The following NQO2 variants were observed in gnomAD, a reference collection of about 807,000 sequenced individuals.
NQO2 encodes the protein N-ribosyldihydronicotinamide:quinone dehydrogenase 2.
In NQO2, 18 loss-of-function variants were observed where a neutral mutation model predicts 22.0. That is an observed-to-expected ratio of 0.82 (90% CI 0.56 to 1.21). The LOEUF (loss-of-function observed/expected upper bound fraction) is 1.21, where lower values mean the gene tolerates loss of function less well. Ranked by LOEUF, NQO2 falls within the 50% of genes most tolerant of loss-of-function variation. The pLI is 0.00. For missense variants in NQO2, 267 were observed against 286.9 expected, an observed-to-expected ratio of 0.93 and a Z score of 0.50; for synonymous variants, 106 against 110.8, an observed-to-expected ratio of 0.96 and a Z score of 0.28.
intron 2 of NQO2, among the ~76,000 whole-genome samples, chr6:3,008,612 G>T (rs563945516): frequency 2.6e-5 from 4 of 152,140 alleles, no homozygotes; most frequent in African/African-American, 9.7e-5. Context: ...TTAGCTGGGC[G>T]TAGTGGCACA....
At chr6:3,007,601 C>T (rs1022788834) in intron 2 of NQO2, among the ~76,000 whole-genome samples, 6 of 152,188 alleles carry the variant, frequency 3.9e-5, no homozygotes, top group African/African-American at 1.4e-4. Context: ...CACCAGGCTG[C>T]CTCCCAGACG....
chr6:3,001,354 G>A (rs1756706916), intron 1 of NQO2, among the ~76,000 whole-genome samples: 1 of 152,242 alleles, frequency 6.6e-6, no homozygotes, highest in Non-Finnish European at 1.5e-5. Flanking sequence ...GCCTCCCAGA[G>A]TGCTGGGATT....
At chr6:3,004,431 C>T in intron 1 of NQO2, 2 of 985,934 alleles carry the variant, frequency 2.0e-6, no homozygotes, top group Non-Finnish European at 2.4e-6. Context: ...CTGTTAAGTC[C>T]CATGCCTGCC....
At chr6:3,004,440 C>T (rs561320282) in intron 1 of NQO2, 2 of 985,956 alleles carry the variant, frequency 2.0e-6, no homozygotes, top group South Asian at 9.4e-5. Flanking sequence ...CCCATGCCTG[C>T]CCCCAACTCA....
chr6:3,019,245 G>A (rs1341805195), intron 6 of NQO2: 7 of 469,354 alleles, frequency 1.5e-5, no homozygotes, highest in Admixed American at 6.4e-5. Context: ...GTTAATTGCA[G>A]TTATAAAAAT....
intron 3 of NQO2, among the ~76,000 whole-genome samples, chr6:3,011,598 G>T (rs184454171): frequency 6.6e-6 from 1 of 152,252 alleles, no homozygotes; most frequent in Admixed American, 6.5e-5. Flanking sequence ...GGTAGAGGAA[G>T]GTCATAGAAT....
rs563154354 is a variant in NQO2, at chr6:3,007,195, C to A, written c.7+636C>A. Reference sequence around the variant, plus strand: ...TGTGCACCCTGTTTAGCACCTAGCACCATCCCTGGCCTCTGCCCACCAGAT... The same window carrying A: ...TGTGCACCCTGTTTAGCACCTAGCAACATCCCTGGCCTCTGCCCACCAGAT... On this transcript the variant is annotated intron_variant, in intron 2 of 6. Transcript: ENST00000380455. 4.6e-5 allele frequency among the ~76,000 whole-genome samples: 7 copies of A among 152,212 alleles called. No homozygotes were observed. In the East Asian group the frequency reaches 1.4e-3, roughly 29 times the overall value.
chr6:3,005,942 T>C, intron 1 of NQO2: 1 of 345,936 alleles, frequency 2.9e-6, no homozygotes, highest in Non-Finnish European at 4.1e-6. Context: ...CCTCTGCTCC[T>C]CTGGCCTCCG....
At chr6:3,001,146 A>G (rs1284991945) in intron 1 of NQO2, among the ~76,000 whole-genome samples, 34 of 135,478 alleles carry the variant, frequency 2.5e-4, no homozygotes, top group African/African-American at 7.9e-4. Context: ...CTGGAGTGCA[A>G]TGGCACAATC....
chr6:3,012,137 A>T (rs1408743193), intron 3 of NQO2, among the ~76,000 whole-genome samples: 1 of 152,238 alleles, frequency 6.6e-6, no homozygotes, highest in South Asian at 2.1e-4. Flanking sequence ...GCAATATAAA[A>T]TATGTAAATC....
chr6:3,013,527 C>G (rs1359376787), intron 4 of NQO2, among the ~76,000 whole-genome samples: 1 of 152,048 alleles, frequency 6.6e-6, no homozygotes, highest in Non-Finnish European at 1.5e-5. Flanking sequence ...CCTTAAATAT[C>G]CTGCCTTAAA....
chr6:3,005,931 T>G (rs1756936421), intron 1 of NQO2: 1 of 390,330 alleles, frequency 2.6e-6, no homozygotes, highest in Admixed American at 6.4e-5. Flanking sequence ...TGCGGGGGTC[T>G]CCTCTGCTCC....
intron 4 of NQO2, among the ~76,000 whole-genome samples, chr6:3,013,426 C>T (rs1581331195): frequency 1.3e-5 from 2 of 152,188 alleles, no homozygotes; most frequent in South Asian, 4.1e-4. Context: ...CCCTTCTCTT[C>T]CCGTTCCTGC....
chr6:3,010,050 A>G lies in NQO2; in HGVS notation c.33A>G (p.Ala11=). The G allele has an allele frequency of 6.2e-7, 1 of 1,614,002 alleles. No homozygotes were observed. The highest frequency in any genetic ancestry group is 8.5e-7 in the Non-Finnish European group (1 of 1,179,976). Reference sequence around the variant, plus strand: ...GTAAGAAAGTACTCATTGTCTATGCACACCAGGAACCCAAGTCTTTCAACG... The same window carrying G: ...GTAAGAAAGTACTCATTGTCTATGCGCACCAGGAACCCAAGTCTTTCAACG... MAGKKVLIVY[A]HQEPKSFNGS... is the part of the protein sequence containing the mutation. Residue 11 remains alanine, a synonymous_variant, in exon 3 of 7, where the codon GCA becomes GCG. Coordinates refer to ENST00000380455, the MANE Select transcript of NQO2 (RefSeq NM_000904.6).
Position 3,009,944 on chromosome 6 carries a change from T to C in NQO2, c.8-81T>C, listed in dbSNP as rs373344520. ...TCAATTACTATGATGCACCTGAACA[T>C]TCAATTTTCATCTTAGTCTTCATTG... On this transcript the variant is annotated intron_variant, in intron 2 of 6. Coordinates refer to ENST00000380455, the MANE Select transcript of NQO2 (RefSeq NM_000904.6). The C allele has an allele frequency of 8.2e-5, 125 of 1,515,852 alleles. No homozygotes were observed. In the African/African-American group the frequency reaches 1.6e-3, roughly 19 times the overall value. 93.9% of individuals were successfully genotyped at this position (1,515,852 alleles called of 1,614,324 possible).
At chr6:3,013,122 G>A (rs910912781) in intron 4 of NQO2, among the ~76,000 whole-genome samples, 6 of 151,028 alleles carry the variant, frequency 4.0e-5, no homozygotes, top group African/African-American at 1.2e-4. Flanking sequence ...CGCCCGGCTA[G>A]TTTTTTGTAT....
intron 1 of NQO2, among the ~76,000 whole-genome samples, chr6:3,001,826 G>T (rs1756739513): frequency 6.6e-6 from 1 of 152,210 alleles, no homozygotes; most frequent in Non-Finnish European, 1.5e-5. Flanking sequence ...GGCCTGGGTA[G>T]GTGCATAGTT....
chr6:3,017,240 C>T (rs1757364831), intron 6 of NQO2, among the ~76,000 whole-genome samples: 3 of 152,136 alleles, frequency 2.0e-5, no homozygotes. Flanking sequence ...GAAAACATGC[C>T]CTAATTATAG....
At chr6:3,005,620 GT>G in intron 1 of NQO2, 1 of 984,986 alleles carries the variant, frequency 1.0e-6, no homozygotes, top group Non-Finnish European at 1.2e-6. Context: ...TATCTGAGCT[GT>G]TTTTTTATGG....
Sources: allele counts gnomAD v4.1 joint callset (sites outside exome capture counted in the v4.1 genomes callset), GRCh38; gene constraint gnomAD v4.1.1; transcripts MANE v1.5; gene names NCBI Gene and HGNC (gene_info 2026-07-23, HGNC 2026-07-21).